ADARB2: variants seen among roughly 807,000 people sequenced by gnomAD.
ADARB2 encodes inactive double-stranded RNA-specific editase B2.
In ADARB2, 25 loss-of-function variants were observed where a neutral mutation model predicts 62.2. The observed-to-expected ratio is 0.40, with a 90% CI of 0.29 to 0.56. The LOEUF (loss-of-function observed/expected upper bound fraction) is 0.56, where lower values mean the gene tolerates loss of function less well. ADARB2 is among the 20% of genes least tolerant of loss of function. The pLI is 0.43. For synonymous variants in ADARB2, 572 were observed against 500.8 expected (o/e 1.14, Z -1.90); for missense variants, 1,071 against 1,077.4 (o/e 0.99, Z 0.08).
intron 6 of ADARB2, among the ~76,000 whole-genome samples, chr10:1,229,412 CAG>C (rs1830777109): frequency 6.6e-6 from 1 of 152,170 alleles, no homozygotes; most frequent in Non-Finnish European, 1.5e-5. Flanking sequence ...CAGCAGCCAC[CAG>C]AGAGTCAGAA....
In ADARB2 at chr10:1,550,013, A is replaced by G. The variant is rs1483496868; in HGVS notation, c.101-170853T>C. Among the ~76,000 whole-genome samples the G allele has an allele frequency of 5.3e-5, 8 of 152,266 alleles. No individual in the cohort carries two copies. In the East Asian group the frequency reaches 1.5e-3, roughly 29 times the overall value. On this transcript the variant is annotated intron_variant, in intron 1 of 9. Transcript: ENST00000381312. Reference sequence around the variant, plus strand: ...CACAACACACCATATTGTTTATAAGAGGCTACCAGGGACTGAAAAGTAAAC... The same window carrying G: ...CACAACACACCATATTGTTTATAAGGGGCTACCAGGGACTGAAAAGTAAAC...
At chr10:1,630,526 T>C (rs1174915716) in intron 1 of ADARB2, among the ~76,000 whole-genome samples, 3 of 152,126 alleles carry the variant, frequency 2.0e-5, no homozygotes, top group African/African-American at 7.2e-5. Context: ...CGCTCAGCTC[T>C]TGGGTCTCCC....
chr10:1,585,809 C>T (rs879631077), intron 1 of ADARB2, among the ~76,000 whole-genome samples: 13 of 152,188 alleles, frequency 8.5e-5, no homozygotes, highest in Non-Finnish European at 1.8e-4. Context: ...CCAAGGTGGG[C>T]AGATCACGAG....
chr10:1,479,028 A>G (rs2131922804), intron 1 of ADARB2, among the ~76,000 whole-genome samples: 1 of 152,304 alleles, frequency 6.6e-6, no homozygotes, highest in Non-Finnish European at 1.5e-5. Flanking sequence ...AGTCTATGGC[A>G]TAACAGCCAA....
intron 1 of ADARB2, among the ~76,000 whole-genome samples, chr10:1,495,237 A>G (rs1831671220): frequency 6.6e-6 from 1 of 152,230 alleles, no homozygotes; most frequent in Non-Finnish European, 1.5e-5. Context: ...CATGGCTTTA[A>G]GAGAATTGCC....
At chr10:1,625,134 G>A (rs1422585386) in intron 1 of ADARB2, among the ~76,000 whole-genome samples, 2 of 152,132 alleles carry the variant, frequency 1.3e-5, no homozygotes, top group African/African-American at 2.4e-5. Flanking sequence ...AATTATTGAC[G>A]AGTCCTGAGA....
intron 1 of ADARB2, among the ~76,000 whole-genome samples, chr10:1,517,974 AG>A (rs922932015): frequency 6.6e-6 from 1 of 152,162 alleles, no homozygotes; most frequent in African/African-American, 2.4e-5. Flanking sequence ...AGTGAATGAA[AG>A]GGGGCAAAAT....
chr10:1,410,286 C>G lies in ADARB2; in HGVS notation c.101-31126G>C, dbSNP rs374838090. ...CTGGCCGTGGTCATGGGGAAGGATTCTCAGTGGTGCTGAGGCCTGGCCGTG... is the reference window on the plus strand; with the variant it reads ...CTGGCCGTGGTCATGGGGAAGGATTGTCAGTGGTGCTGAGGCCTGGCCGTG... On this transcript the variant is annotated intron_variant, in intron 1 of 9. Transcript: ENST00000381312. Among the ~76,000 whole-genome samples, 5 of 130,264 alleles carry G rather than the reference C, an allele frequency of 3.8e-5. No individual in the cohort carries two copies. In the East Asian group the frequency reaches 8.2e-4, roughly 21 times the overall value. The allele number at this position is 130,264 out of a possible 152,430, so 85.5% of individuals were successfully genotyped here. A position where few individuals can be genotyped will look rare whatever the true frequency, so the allele number is the denominator to read the frequency against.
chr10:1,328,521 C>G (rs1831897801), intron 3 of ADARB2, among the ~76,000 whole-genome samples: 1 of 152,022 alleles, frequency 6.6e-6, no homozygotes, highest in Non-Finnish European at 1.5e-5. Context: ...TTTTCTTGAA[C>G]AGTGCAAACA....
At chr10:1,639,372 G>C (rs922861529) in intron 1 of ADARB2, among the ~76,000 whole-genome samples, 3 of 152,220 alleles carry the variant, frequency 2.0e-5, no homozygotes, top group Admixed American at 1.3e-4. Context: ...GAATGTCCCA[G>C]GGTCTTGGAA....
At chr10:1,672,874 C>A (rs1834409752) in intron 1 of ADARB2, among the ~76,000 whole-genome samples, 1 of 152,190 alleles carries the variant, frequency 6.6e-6, no homozygotes. Context: ...CAACTAAGAG[C>A]TAGAAATGGA....
intron 3 of ADARB2, among the ~76,000 whole-genome samples, chr10:1,332,315 C>T (rs751842110): frequency 7.9e-5 from 12 of 151,550 alleles, no homozygotes; most frequent in Non-Finnish European, 1.3e-4. Context: ...GAAGTAGGGA[C>T]AGAAGTGGGA....
chr10:1,675,594 T>A (rs1588348412), intron 1 of ADARB2, among the ~76,000 whole-genome samples: 1 of 151,230 alleles, frequency 6.6e-6, no homozygotes, highest in Admixed American at 6.6e-5. Flanking sequence ...ACGGAAGTTC[T>A]GGAGGCTTGG....
chr10:1,439,466 G>A (rs533965723), intron 1 of ADARB2, among the ~76,000 whole-genome samples: 19 of 140,296 alleles, frequency 1.4e-4, no homozygotes, highest in African/African-American at 5.1e-4. Context: ...GCAGATGGAG[G>A]CAGGTCCTTC....
rs1311640677 is a variant in ADARB2, at chr10:1,363,444, C to T, written c.661G>A (p.Asp221Asn). ...DFTSDQADFP[D>N]TLFQEFEPPA... ...GGCTCGAACTCCTGGAAGAGCGTGT[C>T]GGGGAAATCGGCCTGGTCGGAGGTG... The change falls in exon 3 of 10, where the codon GAC (aspartate) becomes AAC (asparagine). Residue 221 changes from aspartate to asparagine, a missense_variant. Transcript: ENST00000381312. 6 of 1,416,602 alleles carry T rather than the reference C, an allele frequency of 4.2e-6. No individual in the cohort carries two copies. Among genetic ancestry groups the T allele is most frequent in the South Asian group, 3.2e-5 (2 of 63,272 alleles). The allele number at this position is 1,416,602 out of a possible 1,614,324, so 87.8% of individuals were successfully genotyped here.
chr10:1,217,840 G>A lies in ADARB2; in HGVS notation c.1514-721C>T, dbSNP rs150034092. 7.2e-4 allele frequency among the ~76,000 whole-genome samples: 110 copies of A among 152,160 alleles called. 1 individual carries two copies. Among genetic ancestry groups the A allele is most frequent in the Admixed American group, 2.4e-3 (36 of 15,296 alleles). ...CTGTGTCCCCTAATTACCAAGGGTC[G>A]CCATGGGCAGGAGCTCCGCCAGGCC... On this transcript the variant is annotated intron_variant, in intron 6 of 9. Coordinates refer to ENST00000381312, the MANE Select transcript of ADARB2 (RefSeq NM_018702.4).
At chr10:1,532,056 T>C (rs1832250137) in intron 1 of ADARB2, among the ~76,000 whole-genome samples, 1 of 152,186 alleles carries the variant, frequency 6.6e-6, no homozygotes, top group African/African-American at 2.4e-5. Flanking sequence ...GAGCAAAACA[T>C]CCCTGGGCAC....
intron 6 of ADARB2, among the ~76,000 whole-genome samples, chr10:1,220,219 G>GTAA (rs879316421): frequency 8.7e-5 from 13 of 149,338 alleles, no homozygotes; most frequent in Non-Finnish European, 1.8e-4. Flanking sequence ...GGTGATGATG[G>GTAA]TGATGGTGAT....
At chr10:1,432,787 A>AT (rs1171210901) in intron 1 of ADARB2, among the ~76,000 whole-genome samples, 1 of 151,950 alleles carries the variant, frequency 6.6e-6, no homozygotes, top group Non-Finnish European at 1.5e-5. Context: ...TTTGCTTTGC[A>AT]TTGTTATTGA....
Sources: gnomAD v4.1 joint callset for allele counts (sites outside exome capture counted in the v4.1 genomes callset) on GRCh38, gnomAD v4.1.1 for gene constraint, MANE v1.5 for transcripts, NCBI Gene and HGNC (gene_info 2026-07-23, HGNC 2026-07-21) for gene names.